Variants in PLEKHA4 observed in about 807,000 individuals in gnomAD.
PLEKHA4 encodes the protein pleckstrin homology domain-containing family A member 4.
PLEKHA4 carries 73 observed loss-of-function variants against 94.7 expected under a neutral mutation model. The ratio of observed to expected loss-of-function variants is 0.77; its 90% CI spans 0.64 to 0.94. The LOEUF (loss-of-function observed/expected upper bound fraction) is 0.94. Ranked by LOEUF, PLEKHA4 falls within the 40% of genes least tolerant of loss-of-function variation. PLEKHA4 has a pLI of 0.00. For missense variants in PLEKHA4, 1,049 were observed against 1,054.1 expected, an observed-to-expected ratio of 1.00 and a Z score of 0.07; for synonymous variants, 449 against 437.1, an observed-to-expected ratio of 1.03 and a Z score of -0.34.
chr19:48,838,143 G>C lies in PLEKHA4; in HGVS notation c.1965-14C>G. 2 of 1,439,774 alleles carry C rather than the reference G, an allele frequency of 1.4e-6. No individual in the cohort carries two copies. The highest frequency in any genetic ancestry group is 1.9e-6 in the Non-Finnish European group (2 of 1,030,456). The allele number at this position is 1,439,774 out of a possible 1,614,324, so 89.2% of individuals were successfully genotyped here. A position where few individuals can be genotyped will look rare whatever the true frequency, so the allele number is the denominator to read the frequency against. On this transcript the variant is annotated splice_polypyrimidine_tract_variant and intron_variant, in intron 18 of 19. Transcript: ENST00000263265. ...GTGTTCCTTGGACTAGAAAAAAAAA[G>C]AAGATTGGGGGTGGGGGTGTGTACA...
At chr19:48,843,668 TA>T (rs1472621407) in intron 16 of PLEKHA4, among the ~76,000 whole-genome samples, 1 of 151,768 alleles carries the variant, frequency 6.6e-6, no homozygotes, top group Admixed American at 6.6e-5. Flanking sequence ...TTTATTTTTT[TA>T]TTTTTTGAGA....
At chr19:48,845,094 C>T in intron 16 of PLEKHA4, 1 of 316,302 alleles carries the variant, frequency 3.2e-6, no homozygotes, top group East Asian at 6.0e-5. Flanking sequence ...CCTCATTCAT[C>T]TAGTTTTCAT....
intron 3 of PLEKHA4, among the ~76,000 whole-genome samples, chr19:48,865,288 A>G (rs1463090463): frequency 1.3e-5 from 2 of 152,098 alleles, no homozygotes; most frequent in African/African-American, 4.8e-5. Context: ...GGTTGCATTG[A>G]GCCGAGATCA....
chr19:48,844,066 G>A (rs1326355700), intron 16 of PLEKHA4, among the ~76,000 whole-genome samples: 2 of 151,724 alleles, frequency 1.3e-5, no homozygotes, highest in African/African-American at 4.8e-5. Context: ...CTCTCAAAGT[G>A]TTGGGATTAC....
At position 48,837,653 on chromosome 19, in the gene PLEKHA4, C is replaced by T; in HGVS notation, c.2078-102G>A. ...GACCCAGGACTCCGGATTCCCAGCC[C>T]CTCCTCCATCAGACCCAGGAGTCCA... On this transcript the variant is annotated intron_variant, in intron 19 of 19. Transcript: ENST00000263265. This position sits in a 1 kb window ranked among gnomAD's most constrained non-coding sequence, Gnocchi z 4.3. 7.1e-7 allele frequency: 1 copy of T among 1,411,688 alleles called. No individual in the cohort carries two copies. The highest frequency in any genetic ancestry group is 2.4e-5 in the East Asian group (1 of 41,044). 87.4% of individuals were successfully genotyped at this position (1,411,688 alleles called of 1,614,324 possible).
rs1263299763 is a variant in PLEKHA4 at position 48,865,534 on chromosome 19, G to A, written c.161C>T (p.Pro54Leu). 1 of 1,614,038 alleles carries A rather than the reference G, an allele frequency of 6.2e-7. No homozygotes were observed. Residue 54 changes from proline (P) to leucine (L), a missense_variant, in exon 3 of 20, where the codon CCC becomes CTC. Transcript: ENST00000263265. ...ATGAAGCCAGCCTCGGATGTGCACG[G>A]GAAGGTTGGGATCCCTCCTGAGCGC... The part of the protein sequence containing the change: ...GNALRRDPNL[P>L]VHIRGWLHKQ...
chr19:48,862,136 A>T (rs2123149375), intron 3 of PLEKHA4, among the ~76,000 whole-genome samples: 1 of 151,974 alleles, frequency 6.6e-6, no homozygotes, highest in South Asian at 2.1e-4. Flanking sequence ...GTGGATAAGA[A>T]GGAGAGCTGG....
At chr19:48,860,019 A>G (rs2036574477) in intron 6 of PLEKHA4, 3 of 559,254 alleles carry the variant, frequency 5.4e-6, no homozygotes, top group East Asian at 6.2e-5. Context: ...ACTATCTTTT[A>G]CCTGGCATTG....
chr19:48,841,152 T>C lies in PLEKHA4; in HGVS notation c.1902A>G (p.Gln634=), dbSNP rs748019330. ...GCCCCAGCCCTCCTCCCCTCACCCT[T>C]TGCTCCACGTCAGGCTGGCGTCTGG... is the stretch of plus-strand genomic sequence containing the variant. ...SPARRQPDVE[Q]RPVVGHSGAQ... Residue 634 remains glutamine (Q), a synonymous_variant, in exon 17 of 20, where the codon CAA becomes CAG. Coordinates refer to ENST00000263265, the MANE Select transcript of PLEKHA4 (RefSeq NM_020904.3). The C allele has an allele frequency of 3.1e-6, 5 of 1,608,228 alleles. No individual in the cohort carries two copies. The highest frequency in any genetic ancestry group is 2.2e-5 in the South Asian group (2 of 89,674).
chr19:48,839,819 C>T (rs2035681510), intron 17 of PLEKHA4, among the ~76,000 whole-genome samples: 1 of 151,900 alleles, frequency 6.6e-6, no homozygotes. Context: ...GTCTAAGGGG[C>T]CGGGTCTGGT....
At chr19:48,859,874 G>T in intron 6 of PLEKHA4, 190 bp from the exon 7 acceptor site, 1 of 631,154 alleles carries the variant, frequency 1.6e-6, no homozygotes, top group Non-Finnish European at 2.8e-6. Context: ...AGGCCACAAC[G>T]TCTATCCAGG....
intron 6 of PLEKHA4, 181 bp downstream of exon 6, chr19:48,860,169 G>C: frequency 3.3e-6 from 2 of 604,358 alleles, no homozygotes. Flanking sequence ...CGGAACTTAA[G>C]GGAGAAAGAC....
At chr19:48,840,905 C>T (rs2035736397) in intron 17 of PLEKHA4, among the ~76,000 whole-genome samples, 1 of 152,084 alleles carries the variant, frequency 6.6e-6, no homozygotes, top group African/African-American at 2.4e-5. Context: ...AAAAACTAGG[C>T]TTCCAATCCA....
At chr19:48,856,768 G>A (rs1371146247) in intron 9 of PLEKHA4, among the ~76,000 whole-genome samples, 9 of 143,378 alleles carry the variant, frequency 6.3e-5, no homozygotes, top group African/African-American at 2.1e-4. Context: ...GCGTGGTGGC[G>A]GGCGCCTGTA....
At chr19:48,858,720 T>G in intron 8 of PLEKHA4, 140 bp downstream of exon 8, 1 of 928,688 alleles carries the variant, frequency 1.1e-6, no homozygotes, top group African/African-American at 1.8e-5. Flanking sequence ...GTTCAAGCTC[T>G]CTCTCACCTG....
At chr19:48,844,612 C>T (rs1017182329) in intron 16 of PLEKHA4, 3 of 985,088 alleles carry the variant, frequency 3.0e-6, no homozygotes, top group African/African-American at 1.7e-5. Flanking sequence ...GTGATGGATC[C>T]GTACTTCTGA....
In PLEKHA4 at chr19:48,860,400, C is replaced by T. The variant is rs1442237598; in HGVS notation, c.426G>A (p.Arg142=). The stretch of plus-strand genomic sequence containing the variant: ...CCCGGCCCAGCGCCCGTAGCCAGCC[C>T]CGCAGGTCTTCTAAGGTGTCAGCGG... ...VLAADTLEDL[R]GWLRALGRAS... The change falls in exon 6 of 20, where the codon CGG becomes CGA. Residue 142 remains arginine (R), a synonymous_variant. Coordinates refer to ENST00000263265, the MANE Select transcript of PLEKHA4 (RefSeq NM_020904.3). 1 of 1,614,140 alleles carries T rather than the reference C, an allele frequency of 6.2e-7. No individual in the cohort carries two copies. The highest frequency in any genetic ancestry group is 1.6e-4 in the Middle Eastern group (1 of 6,062).
At chr19:48,864,549 A>G (rs1168867704) in intron 3 of PLEKHA4, among the ~76,000 whole-genome samples, 1 of 151,974 alleles carries the variant, frequency 6.6e-6, no homozygotes, top group Non-Finnish European at 1.5e-5. Context: ...GTTCAAGCAC[A>G]TCATATTCCG....
At position 48,861,694 on chromosome 19, in the gene PLEKHA4, T is replaced by G; in HGVS notation, c.193-2A>C. ...CCAGAGACGGAGCCCCGAGCTGTCCTGGGGAGAGAGATGGGAGGAGGGGCC... is the reference window on the plus strand; with the variant it reads ...CCAGAGACGGAGCCCCGAGCTGTCCGGGGGAGAGAGATGGGAGGAGGGGCC... On this transcript the variant is annotated splice_acceptor_variant, in intron 3 of 19. Coordinates refer to ENST00000263265, the MANE Select transcript of PLEKHA4 (RefSeq NM_020904.3). LOFTEE classifies it high-confidence loss of function. 1 of 1,613,224 alleles carries G rather than the reference T, an allele frequency of 6.2e-7. No homozygotes were observed. The highest frequency in any genetic ancestry group is 8.5e-7 in the Non-Finnish European group (1 of 1,179,492).
Sources: allele counts gnomAD v4.1 joint callset (sites outside exome capture counted in the v4.1 genomes callset), GRCh38; gene constraint gnomAD v4.1.1; non-coding constraint Gnocchi (gnomAD v3.1); transcripts MANE v1.5; gene names NCBI Gene and HGNC (gene_info 2026-07-23, HGNC 2026-07-21).